The following GRAMD4 variants were observed in gnomAD, a reference collection of about 807,000 sequenced individuals.
The protein encoded by GRAMD4 is GRAM domain-containing protein 4.
Under a neutral mutation model 83.9 loss-of-function variants are expected in GRAMD4, and 25 were observed. That is an observed-to-expected ratio of 0.30 (90% confidence interval 0.22 to 0.42). The LOEUF (loss-of-function observed/expected upper bound fraction) is 0.42, where lower values mean the gene tolerates loss of function less well. Ranked by LOEUF, GRAMD4 falls within the 10% of genes least tolerant of loss-of-function variation. The pLI is 1.00. For synonymous variants in GRAMD4, 336 were observed against 320.9 expected (o/e 1.05, Z -0.50); for missense variants, 593 against 788.7 (o/e 0.75, Z 2.97).
chr22:46,674,608 G>A, intron 15 of GRAMD4, 49 bp from the exon 16 acceptor site: 1 of 1,271,414 alleles, frequency 7.9e-7, no homozygotes, highest in Non-Finnish European at 1.2e-6. Context: ...CAGGTCAGAG[G>A]CTGGGTACTT....
chr22:46,663,033 C>A lies in GRAMD4; in HGVS notation c.467-7C>A, dbSNP rs747794883. ...CCGTGCCCTCACCGGGTCCCTGCCC[C>A]CTGCAGAGCGCCGGAGCCAGGGGCT... On this transcript the variant is annotated splice_polypyrimidine_tract_variant and splice_region_variant and intron_variant, in intron 5 of 18. Coordinates refer to ENST00000406902, the MANE Select transcript of GRAMD4 (RefSeq NM_015124.5). The A allele has an allele frequency of 6.2e-7, 1 of 1,603,374 alleles. No homozygotes were observed. The highest frequency in any genetic ancestry group is 1.7e-5 in the Admixed American group (1 of 59,636).
Position 46,658,184 on chromosome 22 carries a change from T to C in GRAMD4, c.284-3T>C. The stretch of plus-strand genomic sequence containing the variant: ...GGTCACCTGGCCGTTCTCTCCCCCA[T>C]AGAGGAGGAGCTCCGGAAGCTGCGA... On this transcript the variant is annotated splice_region_variant and splice_polypyrimidine_tract_variant and intron_variant, in intron 3 of 18. Coordinates refer to ENST00000406902, the MANE Select transcript of GRAMD4 (RefSeq NM_015124.5). The C allele has an allele frequency of 6.2e-7, 1 of 1,611,998 alleles. No individual in the cohort carries two copies. The highest frequency in any genetic ancestry group is 8.5e-7 in the Non-Finnish European group (1 of 1,178,964).
intron 2 of GRAMD4, among the ~76,000 whole-genome samples, chr22:46,628,174 G>C (rs1038115659): frequency 6.6e-6 from 1 of 152,224 alleles, no homozygotes; most frequent in Admixed American, 6.5e-5. Context: ...TCAACAGGGA[G>C]GGGTGACGGG....
chr22:46,640,419 A>G (rs908478104), intron 3 of GRAMD4, among the ~76,000 whole-genome samples: 1 of 152,100 alleles, frequency 6.6e-6, no homozygotes, highest in Non-Finnish European at 1.5e-5. Context: ...GTTGATAACA[A>G]AGTTGCAAAA....
At chr22:46,611,167 G>A (rs1395436139) in intron 1 of GRAMD4, among the ~76,000 whole-genome samples, 2 of 150,514 alleles carry the variant, frequency 1.3e-5, no homozygotes, top group African/African-American at 4.9e-5. Flanking sequence ...AGTGAGCCAG[G>A]ATCACGCCAT....
intron 1 of GRAMD4, among the ~76,000 whole-genome samples, chr22:46,589,893 C>G (rs1259833028): frequency 6.6e-6 from 1 of 152,172 alleles, no homozygotes; most frequent in Non-Finnish European, 1.5e-5. Flanking sequence ...GAGAGGCCTC[C>G]TGTCAACACC....
downstream of GRAMD4, among the ~76,000 whole-genome samples, chr22:46,680,569 TCCATCCATCCATCCATCCATCCATCCAC>T (rs2082656429): frequency 8.5e-6 from 1 of 117,392 alleles, no homozygotes; most frequent in African/African-American, 3.8e-5. Context: ...CGTCCGTCCA[TCCATCCATCCATCCATCCATCCATCCAC>T]CCACCCATTC....
rs373295515 is a variant in GRAMD4, at chr22:46,664,001, C to A, written c.626-25C>A. 5.1e-6 allele frequency: 8 copies of A among 1,583,972 alleles called. No individual in the cohort carries two copies. In the Admixed American group the frequency reaches 1.3e-4, roughly 26 times the overall value. On this transcript the variant is annotated intron_variant, in intron 7 of 18. Transcript: ENST00000406902. ...AGCGGCCTCCTACCCACAGTGCTGA[C>A]CACTGTGGTCTGCTCTGTCCCCAGA... is the stretch of plus-strand genomic sequence containing the variant.
intron 1 of GRAMD4, among the ~76,000 whole-genome samples, chr22:46,592,499 A>C (rs555554781): frequency 1.3e-5 from 2 of 151,388 alleles, no homozygotes; most frequent in Non-Finnish European, 2.9e-5. Context: ...CATGGCGAGC[A>C]AGGTGAAGAA....
At chr22:46,655,921 G>A (rs986487884) in intron 3 of GRAMD4, among the ~76,000 whole-genome samples, 10 of 152,338 alleles carry the variant, frequency 6.6e-5, no homozygotes, top group Non-Finnish European at 1.3e-4. Flanking sequence ...GGGGACCTCC[G>A]TCCGCGGAGA....
chr22:46,674,940 TG>T (rs2082572353), intron 16 of GRAMD4, among the ~76,000 whole-genome samples, 190 bp downstream of exon 16: 1 of 152,238 alleles, frequency 6.6e-6, no homozygotes, highest in African/African-American at 2.4e-5. Flanking sequence ...GGACGTGGCC[TG>T]GGCTGTACTG....
At chr22:46,653,028 G>T (rs74885765) in intron 3 of GRAMD4, among the ~76,000 whole-genome samples, 3 of 152,324 alleles carry the variant, frequency 2.0e-5, no homozygotes, top group African/African-American at 7.2e-5. Context: ...GCCTTGCAGG[G>T]AGCCGTGTGC....
intron 2 of GRAMD4, among the ~76,000 whole-genome samples, chr22:46,632,597 G>A (rs1195824251): frequency 1.3e-5 from 2 of 152,158 alleles, no homozygotes; most frequent in Admixed American, 6.5e-5. Flanking sequence ...GGGACCCACA[G>A]GGCTTGCAGA....
At chr22:46,627,756 T>C (rs1439282745) in intron 2 of GRAMD4, among the ~76,000 whole-genome samples, 2 of 152,260 alleles carry the variant, frequency 1.3e-5, no homozygotes, top group African/African-American at 2.4e-5. Flanking sequence ...CTTGCGTTGC[T>C]AATGCTTTAT....
chr22:46,615,966 CT>C (rs376108978), upstream of GRAMD4, among the ~76,000 whole-genome samples: 8 of 92,296 alleles, frequency 8.7e-5, no homozygotes, highest in East Asian at 1.5e-3. Flanking sequence ...AAGTTCCCCC[CT>C]GTGTAGGTTC....
intron 2 of GRAMD4, among the ~76,000 whole-genome samples, chr22:46,630,319 C>G (rs572154124): frequency 2.0e-5 from 3 of 152,334 alleles, no homozygotes; most frequent in African/African-American, 7.2e-5. Flanking sequence ...AGCCACCGCG[C>G]CCGACCTGTT....
rs79870935 is a variant in GRAMD4, at chr22:46,612,608, T to C, written c.-49-14143T>C. 9.7e-4 allele frequency among the ~76,000 whole-genome samples: 148 copies of C among 152,352 alleles called. 2 individuals carry two copies. In the East Asian group the frequency reaches 0.028, roughly 29 times the overall value. On this transcript the variant is annotated intron_variant, in intron 1 of 1. Coordinates refer to the GRAMD4 transcript ENST00000431155. ...TGGCCCAGGTTCCCTGGAGATGGGCTCCTGAGCTCACACGCGTGCTCAGGT... is the reference window on the plus strand; with the variant it reads ...TGGCCCAGGTTCCCTGGAGATGGGCCCCTGAGCTCACACGCGTGCTCAGGT...
At chr22:46,648,907 G>GATGC (rs2082122224) in intron 3 of GRAMD4, among the ~76,000 whole-genome samples, 1 of 134,218 alleles carries the variant, frequency 7.5e-6, no homozygotes, top group African/African-American at 3.1e-5. Context: ...TGCATGGATG[G>GATGC]ATGGATGGAT....
At chr22:46,662,517 G>A (rs188482288) in intron 5 of GRAMD4, among the ~76,000 whole-genome samples, 29 of 152,366 alleles carry the variant, frequency 1.9e-4, no homozygotes, top group African/African-American at 6.5e-4. Context: ...CGACAACACC[G>A]TGCGCTCACC....
Sources: gnomAD v4.1 joint callset for allele counts (sites outside exome capture counted in the v4.1 genomes callset) on GRCh38, gnomAD v4.1.1 for gene constraint, MANE v1.5 for transcripts, NCBI Gene and HGNC (gene_info 2026-07-23, HGNC 2026-07-21) for gene names.